PDE4B: variants seen among roughly 807,000 people sequenced by gnomAD.
PDE4B encodes the protein 3',5'-cyclic-AMP phosphodiesterase 4B.
A neutral mutation model predicts 82.2 loss-of-function variants in PDE4B; 20 were observed. That is an observed-to-expected ratio of 0.24 (90% confidence interval 0.17 to 0.35). The LOEUF (loss-of-function observed/expected upper bound fraction) is 0.35. Ranked by LOEUF, PDE4B falls within the 10% of genes least tolerant of loss-of-function variation. PDE4B has a pLI of 1.00. For synonymous variants in PDE4B, 320 were observed against 318.9 expected (o/e 1.00, Z -0.04); for missense variants, 655 against 907.2 (o/e 0.72, Z 3.57).
At chr1:65,917,229 G>A (rs976675537) in intron 2 of PDE4B, among the ~76,000 whole-genome samples, 2 of 152,166 alleles carry the variant, frequency 1.3e-5, no homozygotes, top group African/African-American at 4.8e-5. Flanking sequence ...CCTCAAACTT[G>A]AGTTAATTAT....
In PDE4B at chr1:66,302,202, G is replaced by A. The variant is rs941753588; in HGVS notation, c.635-30306G>A. 3.9e-5 allele frequency among the ~76,000 whole-genome samples: 6 copies of A among 152,224 alleles called. No homozygotes were observed. In the East Asian group the frequency reaches 7.7e-4, roughly 20 times the overall value. On this transcript the variant is annotated intron_variant, in intron 7 of 16. Coordinates refer to ENST00000341517, the MANE Select transcript of PDE4B (RefSeq NM_002600.4). The stretch of plus-strand genomic sequence containing the variant: ...AGACAGGAGGCAATGGAAAAGCACA[G>A]TTCATCCACAAACCAGCCTCTCTGA...
At chr1:66,232,312 C>T (rs762476932) in intron 3 of PDE4B, among the ~76,000 whole-genome samples, 7 of 152,292 alleles carry the variant, frequency 4.6e-5, no homozygotes, top group South Asian at 4.1e-4. Context: ...TCTGTCCGGG[C>T]GCCTCTCCTG....
intron 4 of PDE4B, among the ~76,000 whole-genome samples, chr1:66,252,319 C>A (rs888146002): frequency 3.3e-5 from 5 of 152,110 alleles, no homozygotes; most frequent in African/African-American, 1.2e-4. Context: ...ATTAAAGAAG[C>A]TCTCATCAGC....
intron 3 of PDE4B, among the ~76,000 whole-genome samples, chr1:66,062,358 T>A (rs1655622631): frequency 6.6e-6 from 1 of 152,046 alleles, no homozygotes; most frequent in South Asian, 2.1e-4. Flanking sequence ...GGAGGGTTTA[T>A]AGGAGATTAC....
At chr1:66,181,462 A>C (rs1482569048) in intron 3 of PDE4B, among the ~76,000 whole-genome samples, 1 of 152,200 alleles carries the variant, frequency 6.6e-6, no homozygotes, top group Non-Finnish European at 1.5e-5. Context: ...ATTTAGAGGA[A>C]TACATATCAT....
chr1:66,234,473 G>A (rs1652242087), intron 3 of PDE4B, among the ~76,000 whole-genome samples: 1 of 152,158 alleles, frequency 6.6e-6, no homozygotes. Context: ...GTTTTTAGTA[G>A]AGACAGGGTT....
chr1:66,280,752 C>T (rs140799354), intron 7 of PDE4B, among the ~76,000 whole-genome samples: 12 of 152,150 alleles, frequency 7.9e-5, no homozygotes, highest in South Asian at 2.1e-4. Flanking sequence ...GCCACAATGC[C>T]GAAGTTCTGA....
intron 8 of PDE4B, chr1:66,354,381 C>T (rs1662067371): frequency 2.0e-6 from 2 of 986,082 alleles, no homozygotes. Context: ...GGGCTTCCTC[C>T]ATTTTAATCT....
intron 3 of PDE4B, among the ~76,000 whole-genome samples, chr1:65,956,770 GAC>G (rs1387315239): frequency 2.0e-5 from 3 of 152,094 alleles, no homozygotes; most frequent in Admixed American, 6.6e-5. Context: ...CCGGAGAAGA[GAC>G]AGTCATTGGT....
chr1:66,027,513 G>A (rs1362513628), intron 3 of PDE4B, among the ~76,000 whole-genome samples: 1 of 152,070 alleles, frequency 6.6e-6, no homozygotes, highest in East Asian at 1.9e-4. Flanking sequence ...AACCAAACAT[G>A]CCTTCCCAAC....
chr1:65,846,449 T>C (rs1392950645), intron 1 of PDE4B, among the ~76,000 whole-genome samples: 1 of 152,160 alleles, frequency 6.6e-6, no homozygotes, highest in Non-Finnish European at 1.5e-5. Context: ...GACAAAGAAA[T>C]AGGTCAGTTT....
intron 3 of PDE4B, chr1:66,152,432 G>T: frequency 4.3e-6 from 1 of 230,962 alleles, no homozygotes; most frequent in Non-Finnish European, 9.8e-6. Context: ...ACTGGCTGTG[G>T]CAGCAGCAGC....
At chr1:66,307,641 G>A (rs1658375137) in intron 7 of PDE4B, among the ~76,000 whole-genome samples, 1 of 152,136 alleles carries the variant, frequency 6.6e-6, no homozygotes, top group Non-Finnish European at 1.5e-5. Flanking sequence ...CAGATTGAGG[G>A]CCTTGCTGAG....
intron 3 of PDE4B, among the ~76,000 whole-genome samples, chr1:66,086,457 T>C (rs889186999): frequency 3.9e-5 from 6 of 152,156 alleles, no homozygotes; most frequent in Admixed American, 2.6e-4. Flanking sequence ...TATGATTTGC[T>C]TTCACAACTA....
chr1:65,967,245 A>T (rs1467260240), intron 3 of PDE4B, among the ~76,000 whole-genome samples: 1 of 152,214 alleles, frequency 6.6e-6, no homozygotes, highest in Non-Finnish European at 1.5e-5. Context: ...GACACTTCTC[A>T]AAAGAAGACA....
chr1:66,236,817 G>A (rs760883622), intron 3 of PDE4B, among the ~76,000 whole-genome samples: 3 of 152,166 alleles, frequency 2.0e-5, no homozygotes, highest in Non-Finnish European at 2.9e-5. Flanking sequence ...TTGTTTACAC[G>A]TGTGAGTTGA....
intron 4 of PDE4B, among the ~76,000 whole-genome samples, chr1:66,256,773 G>A (rs1281092284): frequency 2.0e-5 from 3 of 152,138 alleles, no homozygotes; most frequent in African/African-American, 2.4e-5. Flanking sequence ...GGACAGGGAA[G>A]GTAGGCCAGA....
At chr1:65,821,844 T>G (rs1645956611) in intron 1 of PDE4B, among the ~76,000 whole-genome samples, 1 of 152,192 alleles carries the variant, frequency 6.6e-6, no homozygotes, top group African/African-American at 2.4e-5. Context: ...GATATGAATG[T>G]CCATCTTTTG....
Position 65,945,172 on chromosome 1 carries a change from G to C in PDE4B, c.281+26337G>C, listed in dbSNP as rs1206766733. ...AGTGTATTCCTCATCCTAAAGTATA[G>C]GGTTCCATGCTATAGAGTGTCATTT... On this transcript the variant is annotated intron_variant, in intron 3 of 16. Coordinates refer to ENST00000341517, the MANE Select transcript of PDE4B (RefSeq NM_002600.4). Among the ~76,000 whole-genome samples, 14 of 152,042 alleles carry C rather than the reference G, an allele frequency of 9.2e-5. 1 individual carries two copies. In the East Asian group the frequency reaches 2.7e-3, roughly 29 times the overall value.
Sources: allele counts gnomAD v4.1 joint callset (sites outside exome capture counted in the v4.1 genomes callset), GRCh38; gene constraint gnomAD v4.1.1; transcripts MANE v1.5; gene names NCBI Gene and HGNC (gene_info 2026-07-23, HGNC 2026-07-21).